C4orf51: variants seen among roughly 807,000 people sequenced by gnomAD.
C4orf51 encodes the protein chromosome 4 open reading frame 51.
Under a neutral mutation model 25.2 loss-of-function variants are expected in C4orf51, and 25 were observed. That is an observed-to-expected ratio of 0.99 (90% CI 0.72 to 1.39). The LOEUF is 1.39. Among genes scored for constraint, C4orf51 ranks in the 40% most tolerant of loss-of-function variants. C4orf51 has a pLI of 0.00. For synonymous variants in C4orf51, 100 were observed against 84.5 expected (o/e 1.18, Z -1.01); for missense variants, 252 against 239.6 (o/e 1.05, Z -0.34).
intron 2 of C4orf51, among the ~76,000 whole-genome samples, chr4:145,709,264 G>A (rs781464726): frequency 1.3e-5 from 2 of 152,214 alleles, no homozygotes; most frequent in Admixed American, 1.3e-4. Flanking sequence ...CACAGAGTGA[G>A]GCCCTATGCA....
At chr4:145,759,193 T>C (rs1446225759), downstream of C4orf51, 1 of 152,206 alleles carries the variant, frequency 6.6e-6, no homozygotes, top group Non-Finnish European at 1.5e-5. Flanking sequence ...ACAAAGAACA[T>C]TTCTTCCTGC....
At chr4:145,748,188 A>G (rs976076186) in intron 1 of C4orf51, among the ~76,000 whole-genome samples, 1 of 152,106 alleles carries the variant, frequency 6.6e-6, no homozygotes, top group African/African-American at 2.4e-5. Context: ...AGTTGCTCAT[A>G]ATAGCAACTA....
At chr4:145,690,965 T>C (rs1729523870) in intron 1 of C4orf51, among the ~76,000 whole-genome samples, 1 of 151,932 alleles carries the variant, frequency 6.6e-6, no homozygotes, top group South Asian at 2.1e-4. Flanking sequence ...AAAAAAGAAT[T>C]AGCCAGATGT....
chr4:145,777,577 T>C, the C4orf51 span, among the ~76,000 whole-genome samples: 2 of 152,244 alleles, frequency 1.3e-5, no homozygotes, highest in African/African-American at 4.8e-5. Flanking sequence ...TCTTAGAGCT[T>C]CATTATTCTC....
At position 145,703,081 on chromosome 4, in the gene C4orf51, G is replaced by A. The variant is rs58282459; in HGVS notation, c.307+6449G>A. Among the ~76,000 whole-genome samples the A allele has an allele frequency of 9.8e-3, 1,472 of 150,542 alleles. 20 individuals carry two copies. The highest frequency in any genetic ancestry group is 0.034 in the African/African-American group (1,373 of 40,040). On this transcript the variant is annotated intron_variant, in intron 2 of 5. Coordinates refer to ENST00000438731, the MANE Select transcript of C4orf51 (RefSeq NM_001080531.3). ...TGTCAGGCCTCTGAGCCCAAGCCAA[G>A]CCATCACATCCCCTGTGACTTGCAC...
chr4:145,764,738 T>A, intron 1 of C4orf51: 1 of 530,556 alleles, frequency 1.9e-6, no homozygotes. Flanking sequence ...TGTTTCAACG[T>A]GTCTTTTTTC....
intron 2 of C4orf51, among the ~76,000 whole-genome samples, chr4:145,715,750 A>G (rs571068561): frequency 1.6e-4 from 25 of 152,260 alleles, no homozygotes; most frequent in African/African-American, 5.8e-4. Context: ...GGTAGCCCCA[A>G]TGGCTTCCAT....
intron 5 of C4orf51, 140 bp downstream of exon 5, chr4:145,730,105 A>G: frequency 1.4e-6 from 1 of 690,352 alleles, no homozygotes; most frequent in Admixed American, 2.4e-5. Context: ...CTAAGTTACA[A>G]TCAGGCAAAA....
At chr4:145,694,372 G>A (rs907902211) in intron 1 of C4orf51, among the ~76,000 whole-genome samples, 1 of 146,720 alleles carries the variant, frequency 6.8e-6, no homozygotes, top group Non-Finnish European at 1.5e-5. Context: ...GGAGGGAGGT[G>A]GGGGGGTCAG....
chr4:145,748,747 A>G (rs1041209553), intron 1 of C4orf51, among the ~76,000 whole-genome samples: 1 of 152,012 alleles, frequency 6.6e-6, no homozygotes, highest in Non-Finnish European at 1.5e-5. Flanking sequence ...GAGATGCTTG[A>G]TTTTATTTAA....
At chr4:145,707,821 G>A (rs1179866266) in intron 2 of C4orf51, among the ~76,000 whole-genome samples, 1 of 152,186 alleles carries the variant, frequency 6.6e-6, no homozygotes, top group African/African-American at 2.4e-5. Context: ...ACCCAAAAGG[G>A]AAATTTATAA....
At chr4:145,751,672 G>A (rs544831958) in intron 1 of C4orf51, among the ~76,000 whole-genome samples, 1 of 152,178 alleles carries the variant, frequency 6.6e-6, no homozygotes, top group Non-Finnish European at 1.5e-5. Flanking sequence ...CAGGGCCCTA[G>A]GGCTGTACGA....
chr4:145,729,189 T>C lies in C4orf51; in HGVS notation c.387T>C (p.Phe129=). Residue 129 remains phenylalanine (F), a synonymous_variant, in exon 4 of 6, where the codon TTT becomes TTC. Coordinates refer to ENST00000438731, the MANE Select transcript of C4orf51 (RefSeq NM_001080531.3). ...KHGVAHQIWD[F]GDCFPTPPNY... is the part of the protein sequence containing the mutation. The stretch of plus-strand genomic sequence containing the variant: ...TATAGGCACATCAAATTTGGGATTT[T>C]GGTGATTGTTTTCCGACACCTCCAA... The C allele has an allele frequency of 6.2e-7, 1 of 1,609,032 alleles. No individual in the cohort carries two copies. The highest frequency in any genetic ancestry group is 8.5e-7 in the Non-Finnish European group (1 of 1,176,238).
chr4:145,775,853 C>G, downstream of C4orf51: 4 of 1,614,146 alleles, frequency 2.5e-6, no homozygotes, highest in Non-Finnish European at 2.5e-6. Flanking sequence ...ACAATGTCCT[C>G]GGTGTCTGTA....
intron 2 of C4orf51, among the ~76,000 whole-genome samples, chr4:145,716,089 AATTATCT>A (rs1731394881): frequency 6.6e-6 from 1 of 152,150 alleles, no homozygotes; most frequent in South Asian, 2.1e-4. Flanking sequence ...AACCCCCCCA[AATTATCT>A]ATTATCTATT....
At chr4:145,689,563 C>A (rs1397935120) in intron 1 of C4orf51, among the ~76,000 whole-genome samples, 2 of 152,028 alleles carry the variant, frequency 1.3e-5, no homozygotes, top group African/African-American at 4.8e-5. Flanking sequence ...ACCAAAGGTG[C>A]TCAACCACGT....
chr4:145,778,754 G>A, the C4orf51 span, among the ~76,000 whole-genome samples: 1 of 151,830 alleles, frequency 6.6e-6, no homozygotes, highest in East Asian at 1.9e-4. Flanking sequence ...AGATATATCT[G>A]GATTATTTAA....
At chr4:145,749,797 C>A (rs1733570990) in intron 1 of C4orf51, among the ~76,000 whole-genome samples, 1 of 152,024 alleles carries the variant, frequency 6.6e-6, no homozygotes, top group Admixed American at 6.6e-5. Context: ...CCACACCCAG[C>A]TAATTTTTTG....
chr4:145,696,709 T>TC (rs1730086953), intron 2 of C4orf51, 77 bp downstream of exon 2: 2 of 1,090,076 alleles, frequency 1.8e-6, no homozygotes, highest in South Asian at 1.4e-5. Flanking sequence ...TCTTTTTTTT[T>TC]CTCTCACTTT....
Sources: gnomAD v4.1 joint callset for allele counts (sites outside exome capture counted in the v4.1 genomes callset) on GRCh38, gnomAD v4.1.1 for gene constraint, MANE v1.5 for transcripts, NCBI Gene and HGNC (gene_info 2026-07-23, HGNC 2026-07-21) for gene names.